Variants in GPC5 observed in about 807,000 individuals in gnomAD.
GPC5 encodes the protein glypican-5.
In GPC5, 47 loss-of-function variants were observed where a neutral mutation model predicts 53.9. The observed-to-expected ratio is 0.87, with a 90% CI of 0.69 to 1.11. The LOEUF (loss-of-function observed/expected upper bound fraction) is 1.11. Ranked by LOEUF, GPC5 falls within the 50% of genes most tolerant of loss-of-function variation. GPC5 has a pLI of 0.00. For synonymous variants in GPC5, 286 were observed against 263.3 expected, an observed-to-expected ratio of 1.09 and a Z score of -0.84; for missense variants, 748 against 713.1, an observed-to-expected ratio of 1.05 and a Z score of -0.56.
At chr13:91,698,531 T>A (rs575902693) in intron 3 of GPC5, among the ~76,000 whole-genome samples, 1 of 152,168 alleles carries the variant, frequency 6.6e-6, no homozygotes, top group Non-Finnish European at 1.5e-5. Flanking sequence ...GACAAAATGC[T>A]AATTTTGTCC....
At chr13:91,681,667 A>G (rs1393917268) in intron 2 of GPC5, among the ~76,000 whole-genome samples, 2 of 151,982 alleles carry the variant, frequency 1.3e-5, no homozygotes, top group African/African-American at 4.8e-5. Flanking sequence ...TTTTCTCCAC[A>G]GTGTATTTGG....
rs74107283 is a variant in GPC5 at position 92,470,971 on chromosome 13, G to T, written c.1561+325982G>T. 6.3e-3 allele frequency among the ~76,000 whole-genome samples: 961 copies of T among 152,190 alleles called. 9 individuals are homozygous for T. The highest frequency in any genetic ancestry group is 0.022 in the African/African-American group (916 of 41,534). ...ATGGAGGGAGACAGGTTTGGGAATG[G>T]GAGGCCTCTTTCTCGAGTTTGTATC... is the stretch of plus-strand genomic sequence containing the variant. On this transcript the variant is annotated intron_variant, in intron 7 of 7. Transcript: ENST00000377067.
intron 6 of GPC5, among the ~76,000 whole-genome samples, chr13:92,064,756 C>CAAAAAAAAAAAAAAAAAAAAA (rs1175120330): frequency 0.12 from 3,710 of 31,028 alleles, 687 homozygotes; most frequent in Non-Finnish European, 0.14. Flanking sequence ...GACTCCGTCT[C>CAAAAAAAAAAAAAAAAAAAAA]AAAAAAAAAA....
intron 7 of GPC5, among the ~76,000 whole-genome samples, chr13:92,380,292 C>T (rs1327539716): frequency 2.6e-5 from 4 of 152,116 alleles, no homozygotes; most frequent in Non-Finnish European, 5.9e-5. Flanking sequence ...CCCTCTCCAT[C>T]CCCAAATAAT....
chr13:91,980,988 G>C (rs2040352293), intron 6 of GPC5, among the ~76,000 whole-genome samples: 1 of 152,114 alleles, frequency 6.6e-6, no homozygotes, highest in African/African-American at 2.4e-5. Flanking sequence ...AACATTTTTA[G>C]AAATCCATTT....
chr13:91,917,422 G>A (rs1372214838), intron 6 of GPC5, among the ~76,000 whole-genome samples: 1 of 152,168 alleles, frequency 6.6e-6, no homozygotes, highest in Non-Finnish European at 1.5e-5. Flanking sequence ...TCGTGGGCTG[G>A]CATTGAGTGC....
intron 6 of GPC5, among the ~76,000 whole-genome samples, chr13:91,976,149 A>C (rs1325414525): frequency 6.6e-6 from 1 of 152,214 alleles, no homozygotes; most frequent in Admixed American, 6.5e-5. Context: ...AAGGGATAGC[A>C]TTAGGAGATA....
chr13:91,682,840 A>C (rs150491855), intron 2 of GPC5, among the ~76,000 whole-genome samples: 2 of 152,218 alleles, frequency 1.3e-5, no homozygotes, highest in Non-Finnish European at 2.9e-5. Context: ...TGATGCTTAG[A>C]GAGGTTAAAT....
At chr13:91,621,100 C>G (rs2033842582) in intron 2 of GPC5, among the ~76,000 whole-genome samples, 1 of 152,052 alleles carries the variant, frequency 6.6e-6, no homozygotes, top group South Asian at 2.1e-4. Flanking sequence ...GTCCAGATCT[C>G]TCTGCTTAAT....
At chr13:91,834,879 A>G (rs1439760717) in intron 5 of GPC5, among the ~76,000 whole-genome samples, 1 of 152,200 alleles carries the variant, frequency 6.6e-6, no homozygotes, top group Non-Finnish European at 1.5e-5. Context: ...TGGCAACAAA[A>G]GCCAAAATTG....
At chr13:92,320,233 A>G (rs771629839) in intron 7 of GPC5, among the ~76,000 whole-genome samples, 2 of 152,134 alleles carry the variant, frequency 1.3e-5, no homozygotes, top group Admixed American at 6.6e-5. Context: ...ATGAACTTTC[A>G]TGCATTTTTG....
intron 5 of GPC5, among the ~76,000 whole-genome samples, chr13:91,763,284 A>G (rs941156403): frequency 6.6e-6 from 1 of 152,094 alleles, no homozygotes; most frequent in Non-Finnish European, 1.5e-5. Flanking sequence ...CCCCCCGGAC[A>G]ACTTTAAGAC....
chr13:92,729,329 T>C (rs1888736126), intron 7 of GPC5, among the ~76,000 whole-genome samples: 1 of 151,428 alleles, frequency 6.6e-6, no homozygotes, highest in Non-Finnish European at 1.5e-5. Context: ...AGCCACTAAC[T>C]ACATATGTCT....
At position 92,519,098 on chromosome 13, in the gene GPC5, C is replaced by A. The variant is rs577330030; in HGVS notation, c.1562-347184C>A. Reference sequence around the variant, plus strand: ...ACCTAACTATCTTAATATATATGCACCCAATGCAGGAGCACCCAGATTCAT... The same window carrying A: ...ACCTAACTATCTTAATATATATGCAACCAATGCAGGAGCACCCAGATTCAT... On this transcript the variant is annotated intron_variant, in intron 7 of 7. Transcript: ENST00000377067. Among the ~76,000 whole-genome samples the A allele has an allele frequency of 5.3e-5, 8 of 152,246 alleles. No individual in the cohort carries two copies. The East Asian group carries it at 1.3e-3, about 26-fold the overall frequency.
intron 7 of GPC5, among the ~76,000 whole-genome samples, chr13:92,324,001 G>C (rs1422456342): frequency 6.6e-6 from 1 of 151,864 alleles, no homozygotes. Context: ...TTGTTTTGAT[G>C]TAGTTTCTGT....
intron 7 of GPC5, among the ~76,000 whole-genome samples, chr13:92,772,677 A>C (rs1291776297): frequency 3.3e-5 from 5 of 152,198 alleles, no homozygotes; most frequent in African/African-American, 9.6e-5. Flanking sequence ...CATGGAAAGG[A>C]AGCTCCATGA....
intron 4 of GPC5, among the ~76,000 whole-genome samples, chr13:91,743,449 A>C (rs1185373391): frequency 6.6e-6 from 1 of 152,204 alleles, no homozygotes; most frequent in Non-Finnish European, 1.5e-5. Flanking sequence ...CATCTATAGC[A>C]AGAGTATCAA....
At chr13:92,578,488 G>A (rs1342186167) in intron 7 of GPC5, among the ~76,000 whole-genome samples, 5 of 152,238 alleles carry the variant, frequency 3.3e-5, no homozygotes, top group East Asian at 1.9e-4. Context: ...CTGAGAAGTC[G>A]TGTGATACAC....
intron 7 of GPC5, among the ~76,000 whole-genome samples, chr13:92,379,652 TC>T (rs1181756478): frequency 1.3e-4 from 20 of 152,114 alleles, no homozygotes; most frequent in African/African-American, 4.8e-4. Context: ...GCATAGTTCT[TC>T]CCTGTGCCCC....
Sources: allele counts gnomAD v4.1 joint callset (sites outside exome capture counted in the v4.1 genomes callset), GRCh38; gene constraint gnomAD v4.1.1; transcripts MANE v1.5; gene names NCBI Gene and HGNC (gene_info 2026-07-23, HGNC 2026-07-21).